The following TEFM variants were observed in gnomAD, a reference collection of about 807,000 sequenced individuals.
The protein encoded by TEFM is transcription elongation factor of mitochondria.
Under a neutral mutation model 23.0 loss-of-function variants are expected in TEFM, and 14 were observed. The observed-to-expected ratio is 0.61, with a 90% confidence interval of 0.40 to 0.95. TEFM has a LOEUF of 0.95. TEFM is among the 40% of genes least tolerant of loss of function. TEFM has a pLI of 0.00. For missense variants in TEFM, 386 were observed against 425.5 expected, an observed-to-expected ratio of 0.91 and a Z score of 0.82; for synonymous variants, 155 against 158.3, an observed-to-expected ratio of 0.98 and a Z score of 0.16.
intron 1 of TEFM, among the ~76,000 whole-genome samples, chr17:30,905,086 A>AG (rs1910138596): frequency 6.6e-6 from 1 of 152,194 alleles, no homozygotes; most frequent in Non-Finnish European, 1.5e-5. Flanking sequence ...ATATTTATGG[A>AG]TCAGTCCGAA....
Position 30,904,342 on chromosome 17 carries a change from G to A in TEFM, c.219C>T (p.Ile73=). ...TAGATGCTGTATTCAACACATGCAA[G>A]ATGGAAGCCTGCTGTTCTGAAGAGA... ...KLFSSEQQAS[I]LHVLNTASTK... is the part of the protein sequence containing the mutation. The change falls in exon 2 of 4, where the codon ATC becomes ATT. Residue 73 remains isoleucine (I), a synonymous_variant. Transcript: ENST00000581216. The A allele has an allele frequency of 1.2e-6, 2 of 1,614,184 alleles. No individual in the cohort carries two copies. Among genetic ancestry groups the A allele is most frequent in the Non-Finnish European group, 1.7e-6 (2 of 1,180,038 alleles).
At chr17:30,902,451 C>A (rs776116234) in intron 2 of TEFM, among the ~76,000 whole-genome samples, 3 of 152,186 alleles carry the variant, frequency 2.0e-5, no homozygotes, top group Non-Finnish European at 4.4e-5. Context: ...TGACTTATAT[C>A]TCCATAAAAA....
chr17:30,902,221 A>G (rs1910059967), intron 2 of TEFM, among the ~76,000 whole-genome samples: 1 of 152,242 alleles, frequency 6.6e-6, no homozygotes, highest in African/African-American at 2.4e-5. Flanking sequence ...ACAGAGGCAA[A>G]TAAACAGGAA....
chr17:30,903,162 G>A (rs9897581), intron 2 of TEFM, among the ~76,000 whole-genome samples: 128,749 of 128,752 alleles, frequency 1, 64,373 homozygotes, highest in Middle Eastern at 1. Flanking sequence ...AAAAAAATTG[G>A]CTGTGTCAAA....
chr17:30,905,522 A>G (rs1362589227), intron 1 of TEFM, among the ~76,000 whole-genome samples: 1 of 148,076 alleles, frequency 6.8e-6, no homozygotes, highest in Non-Finnish European at 1.5e-5. Flanking sequence ...CTCCGTCTCA[A>G]AAAAAAAAAA....
intron 1 of TEFM, 88 bp from the exon 2 acceptor site, chr17:30,904,617 A>C (rs532441619): frequency 2.3e-6 from 2 of 856,356 alleles, no homozygotes; most frequent in Admixed American, 5.6e-5. Flanking sequence ...TTGCAAAGTC[A>C]CAAATACTTT....
chr17:30,899,144 A>G lies in TEFM; in HGVS notation c.*25T>C. 1 of 1,526,170 alleles carries G rather than the reference A, an allele frequency of 6.6e-7. No individual in the cohort carries two copies. The allele number at this position is 1,526,170 out of a possible 1,614,324, so 94.5% of individuals were successfully genotyped here. The stretch of plus-strand genomic sequence containing the variant: ...GTGTTACGTTAGAGCTAATAATTAT[A>G]CTTTAGCACGTTAACCTCAGAATTC... On this transcript the variant is annotated 3_prime_UTR_variant, in exon 4 of 4. Transcript: ENST00000581216.
intron 3 of TEFM, chr17:30,900,098 T>TC: frequency 2.5e-6 from 1 of 403,052 alleles, no homozygotes; most frequent in Non-Finnish European, 4.4e-6. Context: ...TTTTGAAAAC[T>TC]CAAATGAGAC....
chr17:30,900,215 C>G, intron 3 of TEFM, 198 bp downstream of exon 3: 1 of 485,424 alleles, frequency 2.1e-6, no homozygotes, highest in Non-Finnish European at 3.6e-6. Flanking sequence ...GCCTTCGATG[C>G]ATAAGGCATT....
intron 1 of TEFM, among the ~76,000 whole-genome samples, chr17:30,905,313 G>A (rs1315352099): frequency 1.3e-5 from 2 of 152,106 alleles, no homozygotes; most frequent in South Asian, 4.1e-4. Context: ...CTGAGGTCGG[G>A]AGTTCGAGAC....
At chr17:30,905,358 T>C (rs1185533633) in intron 1 of TEFM, among the ~76,000 whole-genome samples, 2 of 152,040 alleles carry the variant, frequency 1.3e-5, no homozygotes, top group Non-Finnish European at 2.9e-5. Context: ...CTGTCTCTAC[T>C]AATAATACAA....
intron 2 of TEFM, among the ~76,000 whole-genome samples, chr17:30,901,703 C>T (rs1910049877): frequency 6.6e-6 from 1 of 151,868 alleles, no homozygotes; most frequent in Non-Finnish European, 1.5e-5. Context: ...GCTACAGGGG[C>T]CACTAAAAAA....
At position 30,899,170 on chromosome 17, in the gene TEFM, T is replaced by C; in HGVS notation, c.1082A>G (p.Ter361TrpextTer12). Residue 361 changes from the stop codon to tryptophan (W), a stop_lost, in exon 4 of 4, where the codon TAG (stop) becomes TGG (tryptophan). Transcript: ENST00000581216. ...YELAVFDSQP[*>W] ...CTTTAGCACGTTAACCTCAGAATTC[T>C]AAGGCTGAGAGTCAAACACTGCTAA... 1.3e-6 allele frequency: 2 copies of C among 1,575,892 alleles called. No individual in the cohort carries two copies. The highest frequency in any genetic ancestry group is 2.3e-5 in the South Asian group (2 of 87,084).
intron 2 of TEFM, among the ~76,000 whole-genome samples, chr17:30,902,061 T>C (rs1397956444): frequency 1.3e-5 from 2 of 152,212 alleles, no homozygotes; most frequent in African/African-American, 2.4e-5. Context: ...GGGTTGCCTA[T>C]AGGGCTTCTA....
chr17:30,900,473 C>T lies in TEFM; in HGVS notation c.585G>A (p.Gln195=), dbSNP rs764688999. The part of the protein sequence containing the change: ...LDRKLTVLDW[Q]QSDRWSLMRG... ...TCATTAAACTCCAACGGTCACTTTG[C>T]TGCCAGTCCAGCACTGTCAACTTAC... The change falls in exon 3 of 4, where the codon CAG becomes CAA. Residue 195 remains glutamine (Q), a synonymous_variant. Coordinates refer to ENST00000581216, the MANE Select transcript of TEFM (RefSeq NM_024683.4). The T allele has an allele frequency of 5.0e-6, 8 of 1,614,100 alleles. No homozygotes were observed. Among genetic ancestry groups the T allele is most frequent in the Admixed American group, 3.3e-5 (2 of 60,008 alleles).
rs1343599388 is a variant in TEFM at position 30,904,325 on chromosome 17, G to GT, written c.235dup (p.Thr79AsnfsTer5). ...AGCTTCAAGTTCTTTAGTAGATGCT[G>GT]TATTCAACACATGCAAGATGGAAGC... On this transcript the variant is annotated frameshift_variant, in exon 2 of 4. Coordinates refer to ENST00000581216, the MANE Select transcript of TEFM (RefSeq NM_024683.4). LOFTEE classifies it high-confidence loss of function. The GT allele has an allele frequency of 6.2e-7, 1 of 1,614,104 alleles. No homozygotes were observed. The highest frequency in any genetic ancestry group is 1.3e-5 in the African/African-American group (1 of 74,938).
chr17:30,903,352 G>T (rs147284737), intron 2 of TEFM, among the ~76,000 whole-genome samples: 2 of 147,970 alleles, frequency 1.4e-5, no homozygotes, highest in South Asian at 4.5e-4. Context: ...TCAGCCTCCC[G>T]AGTAGCTGGG....
At chr17:30,901,774 GA>G (rs1353411050) in intron 2 of TEFM, among the ~76,000 whole-genome samples, 1 of 152,242 alleles carries the variant, frequency 6.6e-6, no homozygotes, top group Non-Finnish European at 1.5e-5. Context: ...TGGTGTAAAA[GA>G]TGGGCTGGAG....
intron 1 of TEFM, among the ~76,000 whole-genome samples, chr17:30,905,075 G>C (rs1391525915): frequency 2.6e-5 from 4 of 152,124 alleles, no homozygotes; most frequent in Admixed American, 2.6e-4. Flanking sequence ...GATGTCTCCC[G>C]ATATTTATGG....
Sources: allele counts gnomAD v4.1 joint callset (sites outside exome capture counted in the v4.1 genomes callset), GRCh38; gene constraint gnomAD v4.1.1; transcripts MANE v1.5; gene names NCBI Gene and HGNC (gene_info 2026-07-23, HGNC 2026-07-21).